LRP2: variants seen among roughly 807,000 people sequenced by gnomAD.
LRP2 encodes the protein low-density lipoprotein receptor-related protein 2.
A neutral mutation model predicts 531.0 loss-of-function variants in LRP2; 172 were observed. That is an observed-to-expected ratio of 0.32 (90% CI 0.29 to 0.37). LRP2 has a LOEUF of 0.37. LRP2 is among the 10% of genes least tolerant of loss of function. The probability of loss-of-function intolerance (pLI) is 1.00; values close to 1 mark genes in which losing one functional copy is unlikely to be tolerated. For missense variants in LRP2, 5,167 were observed against 5,868.3 expected, an observed-to-expected ratio of 0.88 and a Z score of 3.90; for synonymous variants, 1,992 against 2,027.6, an observed-to-expected ratio of 0.98 and a Z score of 0.47.
chr2:169,182,617 C>G lies in LRP2; in HGVS notation c.9846-298G>C, dbSNP rs988508814. The G allele has an allele frequency of 9.1e-6, 9 of 985,356 alleles. No homozygotes were observed. In the Admixed American group the frequency reaches 3.7e-4, roughly 40 times the overall value. The allele number at this position is 985,356 out of a possible 1,614,324, so 61.0% of individuals were successfully genotyped here. ...CTTTCCTCATGCAGCATAAGGCACC[C>G]TCTCCAGGCAGTGCAAAGGCTTAGC... On this transcript the variant is annotated intron_variant, in intron 50 of 78. Coordinates refer to ENST00000649046, the MANE Select transcript of LRP2 (RefSeq NM_004525.3).
chr2:169,181,654 C>T lies in LRP2; in HGVS notation c.9999-36G>A, dbSNP rs1349316035. On this transcript the variant is annotated intron_variant, in intron 51 of 78. Transcript: ENST00000649046. ...AAACACAAAGGGTCAGTCCCTGATG[C>T]CAAAAGAAGTCAGTAGCCAAAATAC... The T allele has an allele frequency of 6.3e-6, 10 of 1,598,772 alleles. No homozygotes were observed. In the African/African-American group the frequency reaches 1.1e-4, roughly 17 times the overall value.
chr2:169,198,797 G>C lies in LRP2; in HGVS notation c.8567C>G (p.Pro2856Arg). 1 of 1,613,758 alleles carries C rather than the reference G, an allele frequency of 6.2e-7. No homozygotes were observed. The highest frequency in any genetic ancestry group is 8.5e-7 in the Non-Finnish European group (1 of 1,179,762). ...TTTATCTTACTCACTGCAATAAGTA[G>C]GGTTTTCATCACTGTTATCTCCACA... is the stretch of plus-strand genomic sequence containing the variant. ...NDCGDNSDEN[P>R]TYCTTHTCSS... Residue 2856 changes from proline to arginine, a missense_variant, in exon 45 of 79, where the codon CCT becomes CGT. Transcript: ENST00000649046.
rs1246710562 is a variant in LRP2 at position 169,328,475 on chromosome 2, GAAAT to G, written c.80-7595_80-7592del. Reference sequence around the variant, plus strand: ...AAAAAAAAAAAAAAAGAAAAAAAAAGAAATAAATAAATAAATAAATAAAAAGATA... The same window carrying G: ...AAAAAAAAAAAAAAAGAAAAAAAAAGAAATAAATAAATAAATAAAAAGATA... On this transcript the variant is annotated intron_variant, in intron 1 of 78. Coordinates refer to ENST00000649046, the MANE Select transcript of LRP2 (RefSeq NM_004525.3). Among the ~76,000 whole-genome samples, 109 of 129,512 alleles carry G rather than the reference GAAAT, an allele frequency of 8.4e-4. 2 individuals carry two copies. Among genetic ancestry groups the G allele is most frequent in the Admixed American group, 4.9e-3 (61 of 12,476 alleles). 85.0% of individuals were successfully genotyped at this position (129,512 alleles called of 152,430 possible). A position where few individuals can be genotyped will look rare whatever the true frequency, so the allele number is the denominator to read the frequency against.
intron 47 of LRP2, among the ~76,000 whole-genome samples, chr2:169,193,146 A>G (rs1687887048): frequency 6.6e-6 from 1 of 152,142 alleles, no homozygotes; most frequent in South Asian, 2.1e-4. Flanking sequence ...GTGGCCAACC[A>G]CTGGGTGCAG....
At chr2:169,148,902 A>C (rs928072894) in intron 68 of LRP2, among the ~76,000 whole-genome samples, 3 of 152,020 alleles carry the variant, frequency 2.0e-5, no homozygotes, top group African/African-American at 7.2e-5. Context: ...ACCCACATTG[A>C]CCTCACATGT....
At chr2:169,239,798 T>C (rs1689738643) in intron 25 of LRP2, 23 bp from the exon 26 acceptor site, 1 of 1,601,204 alleles carries the variant, frequency 6.2e-7, no homozygotes, top group Non-Finnish European at 8.6e-7. Context: ...AAGAGAATAA[T>C]GAAAAAAGAA....
chr2:169,321,471 A>G (rs1684906980), intron 1 of LRP2, among the ~76,000 whole-genome samples: 1 of 151,842 alleles, frequency 6.6e-6, no homozygotes, highest in South Asian at 2.1e-4. Flanking sequence ...GCAAAAAAAA[A>G]AAAAGCGTAA....
chr2:169,319,832 A>C (rs554125749), intron 2 of LRP2, among the ~76,000 whole-genome samples: 1 of 152,214 alleles, frequency 6.6e-6, no homozygotes, highest in African/African-American at 2.4e-5. Context: ...CCATTTGTGC[A>C]TGAGTATTTG....
intron 16 of LRP2, among the ~76,000 whole-genome samples, chr2:169,259,818 T>C (rs1319557479): frequency 6.6e-6 from 1 of 151,962 alleles, no homozygotes; most frequent in Admixed American, 6.6e-5. Context: ...TTTTTTTCAC[T>C]AAAGAAAATC....
chr2:169,276,839 A>G (rs1320066196), intron 13 of LRP2, among the ~76,000 whole-genome samples: 1 of 152,156 alleles, frequency 6.6e-6, no homozygotes, highest in Admixed American at 6.6e-5. Context: ...AGAGGATCTA[A>G]AATAATTTTT....
At chr2:169,149,201 G>A (rs189304445) in intron 68 of LRP2, among the ~76,000 whole-genome samples, 10 of 152,280 alleles carry the variant, frequency 6.6e-5, no homozygotes, top group African/African-American at 2.4e-4. Context: ...ATATATGTAG[G>A]ACACTTAGCA....
At chr2:169,362,259 AC>A in intron 1 of LRP2, 61 bp downstream of exon 1, 1 of 1,437,928 alleles carries the variant, frequency 7.0e-7, no homozygotes, top group Non-Finnish European at 9.5e-7. Context: ...CCTCCCGCGG[AC>A]CCGACCCTGC....
Position 169,275,073 on chromosome 2 carries a change from A to G in LRP2, c.1938T>C (p.Tyr646=). The change falls in exon 14 of 79, where the codon TAT becomes TAC. Residue 646 remains tyrosine, a synonymous_variant. Coordinates refer to ENST00000649046, the MANE Select transcript of LRP2 (RefSeq NM_004525.3). ...TGAGGGAATGGTAAACAGTCACTCC[A>G]TAGGGCCTCAGGGAAGCCTGGTAGT... ...QVYYQASLRP[Y]GVTVYHSLRQ... 1 of 1,613,668 alleles carries G rather than the reference A, an allele frequency of 6.2e-7. No homozygotes were observed. Among genetic ancestry groups the G allele is most frequent in the Non-Finnish European group, 8.5e-7 (1 of 1,179,762 alleles).
At chr2:169,233,326 G>A in intron 30 of LRP2, 85 bp downstream of exon 30, 1 of 1,437,668 alleles carries the variant, frequency 7.0e-7, no homozygotes, top group Admixed American at 1.7e-5. Context: ...CAAACAAATG[G>A]GTCTGTAACA....
In LRP2 at chr2:169,257,205, C is replaced by G; in HGVS notation, c.2558G>C (p.Arg853Thr). 6.2e-7 allele frequency: 1 copy of G among 1,612,870 alleles called. No homozygotes were observed. ...GAGGTGAGATCCGTCACTCCATGCT[C>G]TCATAATTTTAGCAGGACGGAACCA... ...TDWFRPAKIM[R>T]AWSDGSHLLP... The change falls in exon 18 of 79, where the codon AGA (arginine) becomes ACA (threonine). Residue 853 changes from arginine (R) to threonine (T), a missense_variant. By Grantham distance (71) the Arg-to-Thr change is moderately conservative. Around this residue, in one of 6 missense-constraint regions of LRP2, gnomAD observed 2,811 missense variants for 3,058.0 expected, o/e 0.92. Transcript: ENST00000649046.
chr2:169,147,079 G>C (rs1685941871), intron 68 of LRP2, 120 bp from the exon 69 acceptor site: 1 of 769,068 alleles, frequency 1.3e-6, no homozygotes, highest in Non-Finnish European at 2.3e-6. Context: ...TGGGTGCTCA[G>C]TGACACCAGT....
At chr2:169,210,344 C>T (rs1688551154) in intron 37 of LRP2, among the ~76,000 whole-genome samples, 1 of 152,158 alleles carries the variant, frequency 6.6e-6, no homozygotes, top group African/African-American at 2.4e-5. Flanking sequence ...AGCAGTGTAG[C>T]AGTGACCACC....
intron 47 of LRP2, 92 bp from the exon 48 acceptor site, chr2:169,192,125 T>C (rs1687851530): frequency 1.1e-6 from 1 of 898,502 alleles, no homozygotes; most frequent in African/African-American, 1.7e-5. Flanking sequence ...ATTCTAAGTA[T>C]GAAAGGAAAT....
At chr2:169,280,676 T>G (rs574747078) in intron 10 of LRP2, among the ~76,000 whole-genome samples, 157 bp from the exon 11 acceptor site, 1 of 152,176 alleles carries the variant, frequency 6.6e-6, no homozygotes, top group Non-Finnish European at 1.5e-5. Flanking sequence ...ATAGCTAGCA[T>G]TCTATCCATT....
Sources: gnomAD v4.1 joint callset for allele counts (sites outside exome capture counted in the v4.1 genomes callset) on GRCh38, gnomAD v4.1.1 for gene constraint, gnomAD v4.1.1 regional missense constraint, MANE v1.5 for transcripts, NCBI Gene and HGNC (gene_info 2026-07-23, HGNC 2026-07-21) for gene names.